ZC3H12B: variants seen among roughly 807,000 people sequenced by gnomAD.
ZC3H12B encodes the protein probable ribonuclease ZC3H12B.
In ZC3H12B, 7 loss-of-function variants were observed where a neutral mutation model predicts 43.9. The observed-to-expected ratio is 0.16, with a 90% CI of 0.09 to 0.30. The LOEUF (loss-of-function observed/expected upper bound fraction) is 0.30. ZC3H12B is among the 10% of genes least tolerant of loss of function. The pLI, the probability that ZC3H12B is intolerant of heterozygous loss-of-function variation, is 1.00. For missense variants in ZC3H12B, 475 were observed against 670.2 expected (o/e 0.71, Z 3.22); for synonymous variants, 222 against 241.7 (o/e 0.92, Z 0.76).
the ZC3H12B span, among the ~76,000 whole-genome samples, chrX:65,049,510 A>T: frequency 7.2e-5 from 8 of 111,188 alleles, no homozygotes; most frequent in East Asian, 2.3e-3. Flanking sequence ...TGGGCTCACT[A>T]TTCTTTTCGA....
chrX:65,180,921 C>T, the ZC3H12B span, among the ~76,000 whole-genome samples: 1 of 111,062 alleles, frequency 9.0e-6, no homozygotes, highest in Non-Finnish European at 1.9e-5. Context: ...CATATGGAAC[C>T]AAAAAACGAG....
At chrX:65,490,864 T>C (rs2068193466) in intron 1 of ZC3H12B, among the ~76,000 whole-genome samples, 1 of 111,113 alleles carries the variant, frequency 9.0e-6, no homozygotes, top group Non-Finnish European at 1.9e-5. Context: ...TATCCCATTG[T>C]CTTTGAAAGC....
the ZC3H12B span, among the ~76,000 whole-genome samples, chrX:65,040,242 C>G: frequency 8.4e-4 from 93 of 111,268 alleles, no homozygotes; most frequent in African/African-American, 2.9e-3. Context: ...GCTCCTTGCC[C>G]TTTTCAGGGC....
At chrX:65,444,841 G>T (rs993419914) in intron 3 of ZC3H12B, among the ~76,000 whole-genome samples, 21 of 111,738 alleles carry the variant, frequency 1.9e-4, no homozygotes, top group Non-Finnish European at 5.6e-5. Context: ...ACTTAGATTT[G>T]CCCTTTTGAG....
At chrX:65,358,165 C>G in the ZC3H12B span, among the ~76,000 whole-genome samples, 2 of 111,387 alleles carry the variant, frequency 1.8e-5, no homozygotes, top group Non-Finnish European at 3.8e-5. Context: ...AATATATATG[C>G]ACCCAATACA....
the ZC3H12B span, among the ~76,000 whole-genome samples, chrX:65,249,746 G>C: frequency 9.8e-6 from 1 of 102,389 alleles, no homozygotes; most frequent in Non-Finnish European, 2.0e-5. Flanking sequence ...GTGTTTTATA[G>C]TTTTCCTTGT....
chrX:65,172,810 C>A, the ZC3H12B span, among the ~76,000 whole-genome samples: 4 of 112,068 alleles, frequency 3.6e-5, no homozygotes, highest in Admixed American at 3.8e-4. Flanking sequence ...GAGTAGCATG[C>A]TGTTTTTATT....
the ZC3H12B span, among the ~76,000 whole-genome samples, chrX:65,123,617 G>A: frequency 3.8e-5 from 4 of 105,537 alleles, no homozygotes; most frequent in African/African-American, 1.6e-4. Flanking sequence ...ATGAGCATAG[G>A]ATGTGTTTCT....
chrX:65,219,263 G>T, the ZC3H12B span, among the ~76,000 whole-genome samples: 9 of 111,439 alleles, frequency 8.1e-5, no homozygotes, highest in Admixed American at 8.6e-4. Flanking sequence ...ACAAAACAAG[G>T]TTCTTTAACT....
At chrX:65,069,213 T>C in the ZC3H12B span, among the ~76,000 whole-genome samples, 23 of 107,659 alleles carry the variant, frequency 2.1e-4, no homozygotes, top group Non-Finnish European at 4.2e-4. Context: ...GAATCAACTT[T>C]CTTCTGCTGT....
At chrX:65,043,493 A>G in the ZC3H12B span, among the ~76,000 whole-genome samples, 1 of 110,318 alleles carries the variant, frequency 9.1e-6, no homozygotes, top group Non-Finnish European at 1.9e-5. Flanking sequence ...ATAAGTTAAT[A>G]CAAAATATTA....
At chrX:65,348,109 A>T in the ZC3H12B span, among the ~76,000 whole-genome samples, 5,029 of 111,386 alleles carry the variant, frequency 0.045, 273 homozygotes, top group African/African-American at 0.15. Flanking sequence ...GGGGGATAGC[A>T]TTAGGAGATA....
At chrX:65,213,886 A>AT in the ZC3H12B span, among the ~76,000 whole-genome samples, 2 of 106,091 alleles carry the variant, frequency 1.9e-5, no homozygotes, top group African/African-American at 7.3e-5. Flanking sequence ...ACGTAAAAAA[A>AT]AAATATATAT....
chrX:65,383,162 AG>A (rs2066468234), intron 2 of ZC3H12B, among the ~76,000 whole-genome samples: 2 of 112,172 alleles, frequency 1.8e-5, no homozygotes, highest in South Asian at 7.4e-4. Flanking sequence ...CTGAGCCAAA[AG>A]AACAGAGTTG....
the ZC3H12B span, among the ~76,000 whole-genome samples, chrX:65,239,252 C>A: frequency 9.0e-6 from 1 of 111,081 alleles, no homozygotes; most frequent in Admixed American, 9.5e-5. Flanking sequence ...GAATCTTGGT[C>A]CTCCCATATT....
the ZC3H12B span, among the ~76,000 whole-genome samples, chrX:65,113,685 C>A: frequency 1.8e-5 from 2 of 110,195 alleles, no homozygotes; most frequent in Admixed American, 9.8e-5. Context: ...GCACTCCAAC[C>A]TTCAGGAACC....
chrX:65,143,287 G>A, the ZC3H12B span, among the ~76,000 whole-genome samples: 3 of 110,700 alleles, frequency 2.7e-5, no homozygotes, highest in African/African-American at 6.6e-5. Flanking sequence ...TGTAAAGGGG[G>A]TTGAGTTCTT....
the ZC3H12B span, among the ~76,000 whole-genome samples, chrX:65,228,877 T>G: frequency 9.0e-6 from 1 of 111,383 alleles, no homozygotes; most frequent in Non-Finnish European, 1.9e-5. Context: ...CTCAAGGAAA[T>G]AAAAGAGCAT....
the ZC3H12B span, among the ~76,000 whole-genome samples, chrX:65,122,790 G>C: frequency 1.8e-5 from 2 of 111,282 alleles, no homozygotes; most frequent in Non-Finnish European, 3.8e-5. Flanking sequence ...GACAAAGAAG[G>C]CCATTACATA....
Sources: allele counts gnomAD v4.1 joint callset (sites outside exome capture counted in the v4.1 genomes callset), GRCh38; gene constraint gnomAD v4.1.1; transcripts MANE v1.5; gene names NCBI Gene and HGNC (gene_info 2026-07-23, HGNC 2026-07-21).